DNMT3B: variants seen among roughly 807,000 people sequenced by gnomAD.
DNMT3B encodes the protein DNA (cytosine-5)-methyltransferase 3B.
Under a neutral mutation model 120.2 loss-of-function variants are expected in DNMT3B, and 37 were observed. The observed-to-expected ratio is 0.31, with a 90% CI of 0.24 to 0.40. The LOEUF (loss-of-function observed/expected upper bound fraction) is 0.40. Ranked by LOEUF, DNMT3B falls within the 10% of genes least tolerant of loss-of-function variation. DNMT3B has a pLI of 1.00. For synonymous variants in DNMT3B, 412 were observed against 442.8 expected, an observed-to-expected ratio of 0.93 and a Z score of 0.87; for missense variants, 878 against 1,137.3, an observed-to-expected ratio of 0.77 and a Z score of 3.28.
At chr20:32,776,904 G>A (rs752369141) in intron 1 of DNMT3B, among the ~76,000 whole-genome samples, 1 of 151,704 alleles carries the variant, frequency 6.6e-6, no homozygotes, top group Non-Finnish European at 1.5e-5. Flanking sequence ...ATGCCTCGAG[G>A]CTAGATTGTC....
chr20:32,763,105 G>T (rs910738263), intron 1 of DNMT3B, among the ~76,000 whole-genome samples: 1 of 152,128 alleles, frequency 6.6e-6, no homozygotes, highest in Non-Finnish European at 1.5e-5. Context: ...ATGGGCAGGG[G>T]GTGTAATTAC....
At chr20:32,805,263 C>G in intron 20 of DNMT3B, 75 bp from the exon 21 acceptor site, 2 of 1,560,434 alleles carry the variant, frequency 1.3e-6, no homozygotes, top group South Asian at 1.1e-5. Flanking sequence ...GCAACATAGA[C>G]CCTCACTCCC....
intron 1 of DNMT3B, among the ~76,000 whole-genome samples, chr20:32,777,377 T>C (rs56180181): frequency 0.02 from 3,048 of 152,244 alleles, 45 homozygotes; most frequent in Non-Finnish European, 0.029. Flanking sequence ...CCTGGGTCTG[T>C]CTAGGAGGTG....
Position 32,787,468 on chromosome 20 carries a change from C to T in DNMT3B, c.654+17C>T, listed in dbSNP as rs1432216692. The T allele has an allele frequency of 6.2e-7, 1 of 1,609,276 alleles. No individual in the cohort carries two copies. Among genetic ancestry groups the T allele is most frequent in the Admixed American group, 1.7e-5 (1 of 59,118 alleles). On this transcript the variant is annotated intron_variant, in intron 6 of 22. Transcript: ENST00000328111. ...GAGTATCAGGTATGGCCGAGAGGGGCTCCTGCCCAGGGTGACTGAGGACCC... is the reference window on the plus strand; with the variant it reads ...GAGTATCAGGTATGGCCGAGAGGGGTTCCTGCCCAGGGTGACTGAGGACCC...
intron 1 of DNMT3B, among the ~76,000 whole-genome samples, chr20:32,777,828 G>A (rs998886324): frequency 6.6e-6 from 1 of 152,212 alleles, no homozygotes; most frequent in African/African-American, 2.4e-5. Flanking sequence ...GGGAGAAAAA[G>A]GGCTGAGAAG....
At chr20:32,765,503 C>T (rs1987275805) in intron 1 of DNMT3B, among the ~76,000 whole-genome samples, 1 of 149,114 alleles carries the variant, frequency 6.7e-6, no homozygotes, top group African/African-American at 2.5e-5. Context: ...TCACTGCAAC[C>T]TCTGCCTCCC....
intron 1 of DNMT3B, among the ~76,000 whole-genome samples, chr20:32,768,339 T>C (rs1987513377): frequency 6.6e-6 from 1 of 151,698 alleles, no homozygotes; most frequent in Non-Finnish European, 1.5e-5. Context: ...ATTACAGGCA[T>C]GCACCACCAT....
At chr20:32,781,218 A>G in intron 2 of DNMT3B, 135 bp from the exon 3 acceptor site, 1 of 870,868 alleles carries the variant, frequency 1.1e-6, no homozygotes, top group Non-Finnish European at 1.9e-6. Flanking sequence ...ACGGACTGAG[A>G]GCAAATCCCT....
intron 8 of DNMT3B, among the ~76,000 whole-genome samples, 168 bp downstream of exon 8, chr20:32,791,876 C>G (rs780072809): frequency 6.6e-6 from 1 of 152,168 alleles, no homozygotes; most frequent in South Asian, 2.1e-4. Flanking sequence ...GGCCTCCCAA[C>G]AAAGGGATTT....
At position 32,798,518 on chromosome 20, in the gene DNMT3B, A is replaced by G. The variant is rs776788630; in HGVS notation, c.1549A>G (p.Lys517Glu). Residue 517 changes from lysine (K) to glutamate (E), a missense_variant, in exon 15 of 23, where the codon AAG (lysine) becomes GAG (glutamate). Coordinates refer to ENST00000328111, the MANE Select transcript of DNMT3B (RefSeq NM_006892.4). ...LVGTGTAAEA[K>E]LQEPWSCYMC... ...GGGCACAGGCACAGCGGCCGAGGCC[A>G]AGCTTCAGGAGCCCTGGAGCTGTTA... The G allele has an allele frequency of 6.2e-7, 1 of 1,614,232 alleles. No individual in the cohort carries two copies. The highest frequency in any genetic ancestry group is 1.1e-5 in the South Asian group (1 of 91,086).
chr20:32,807,694 G>T, intron 22 of DNMT3B, 68 bp from the exon 23 acceptor site: 1 of 1,608,232 alleles, frequency 6.2e-7, no homozygotes, highest in Middle Eastern at 1.7e-4. Flanking sequence ...GTGGGACCTG[G>T]CTGGTTGAGG....
chr20:32,797,581 A>G (rs533490249), intron 14 of DNMT3B, among the ~76,000 whole-genome samples: 5 of 152,136 alleles, frequency 3.3e-5, no homozygotes, highest in Non-Finnish European at 4.4e-5. Flanking sequence ...GCAGCCTCCA[A>G]TTCCTGTGCT....
intron 18 of DNMT3B, 137 bp downstream of exon 18, chr20:32,801,062 C>A: frequency 8.1e-7 from 1 of 1,241,340 alleles, no homozygotes; most frequent in Non-Finnish European, 1.2e-6. Flanking sequence ...GTGCTGCCTA[C>A]GCTCCATAGT....
intron 14 of DNMT3B, 119 bp from the exon 15 acceptor site, chr20:32,798,341 C>A: frequency 7.6e-7 from 1 of 1,321,132 alleles, no homozygotes; most frequent in Non-Finnish European, 1.1e-6. Flanking sequence ...TGCTGTTAAG[C>A]AGCCGATCCT....
At position 32,808,135 on chromosome 20, in the gene DNMT3B, G is replaced by A. The variant is rs1982168521; in HGVS notation, c.*232G>A. ...CTGGCTGCTTGGAGCAGCCTAACAC[G>A]GTGCTCATTTTTTCTTCTCCTAAAA... On this transcript the variant is annotated 3_prime_UTR_variant, in exon 23 of 23. Transcript: ENST00000328111. 8.1e-6 allele frequency: 5 copies of A among 618,370 alleles called. No homozygotes were observed. In the East Asian group the frequency reaches 8.9e-5, roughly 11 times the overall value. 38.3% of individuals were successfully genotyped at this position (618,370 alleles called of 1,614,324 possible). A position where few individuals can be genotyped will look rare whatever the true frequency, so the allele number is the denominator to read the frequency against.
In DNMT3B at chr20:32,795,700, G is replaced by A. The variant is rs755091404; in HGVS notation, c.1297+6G>A. ...CAACAAGAGCAGCCTGGAAGGTAACGTTCTCTCCCTCCCAGTCATCCCCCT... is the reference window on the plus strand; with the variant it reads ...CAACAAGAGCAGCCTGGAAGGTAACATTCTCTCCCTCCCAGTCATCCCCCT... On this transcript the variant is annotated splice_donor_region_variant and intron_variant, in intron 12 of 22. Coordinates refer to ENST00000328111, the MANE Select transcript of DNMT3B (RefSeq NM_006892.4). 83 of 1,613,942 alleles carry A rather than the reference G, an allele frequency of 5.1e-5. No homozygotes were observed. In the East Asian group the frequency reaches 1.4e-3, roughly 26 times the overall value.
At chr20:32,801,661 T>C (rs542054651) in intron 19 of DNMT3B, among the ~76,000 whole-genome samples, 1 of 152,310 alleles carries the variant, frequency 6.6e-6, no homozygotes, top group East Asian at 1.9e-4. Context: ...TACAGCTCAC[T>C]GGAGCCTCAA....
intron 1 of DNMT3B, among the ~76,000 whole-genome samples, chr20:32,765,414 CT>C (rs1278784506): frequency 3.8e-5 from 5 of 132,248 alleles, no homozygotes; most frequent in East Asian, 5.4e-4. Flanking sequence ...TTTTCTTTCT[CT>C]TTTTTTCTTT....
At chr20:32,784,606 T>G in intron 3 of DNMT3B, 152 bp from the exon 4 acceptor site, 3 of 801,186 alleles carry the variant, frequency 3.7e-6, no homozygotes, top group Middle Eastern at 3.1e-4. Flanking sequence ...GTGGTTGGTC[T>G]GTGTCTGCAC....
Sources: gnomAD v4.1 joint callset for allele counts (sites outside exome capture counted in the v4.1 genomes callset) on GRCh38, gnomAD v4.1.1 for gene constraint, MANE v1.5 for transcripts, NCBI Gene and HGNC (gene_info 2026-07-23, HGNC 2026-07-21) for gene names.